The following TECPR2 variants were observed in gnomAD, a reference collection of about 807,000 sequenced individuals.
TECPR2 encodes tectonin beta-propeller repeat-containing protein 2.
A neutral mutation model predicts 138.1 loss-of-function variants in TECPR2; 65 were observed. The observed-to-expected ratio is 0.47, with a 90% CI of 0.39 to 0.58. TECPR2 has a LOEUF of 0.58. Among genes scored for constraint, TECPR2 ranks in the 20% least tolerant of loss-of-function variants. The probability of loss-of-function intolerance (pLI) is 0.00; values close to 1 mark genes in which losing one functional copy is unlikely to be tolerated. For synonymous variants in TECPR2, 746 were observed against 749.8 expected, an observed-to-expected ratio of 0.99 and a Z score of 0.08; for missense variants, 1,553 against 1,824.5, an observed-to-expected ratio of 0.85 and a Z score of 2.71.
chr14:102,497,265 G>A lies in TECPR2; in HGVS notation c.3931+145G>A, dbSNP rs1483265675. ...GTCGCCGCTGCTTCCTGGGCCAGGG[G>A]ACAAGCCTCCCATCATGTTCCTTAT... is the stretch of plus-strand genomic sequence containing the variant. On this transcript the variant is annotated intron_variant, in intron 18 of 19. Coordinates refer to ENST00000359520, the MANE Select transcript of TECPR2 (RefSeq NM_014844.5). The A allele has an allele frequency of 9.6e-6, 13 of 1,360,410 alleles. No homozygotes were observed. In the Admixed American group the frequency reaches 3.7e-4, roughly 38 times the overall value. 84.3% of individuals were successfully genotyped at this position (1,360,410 alleles called of 1,614,324 possible). A position where few individuals can be genotyped will look rare whatever the true frequency, so the allele number is the denominator to read the frequency against.
chr14:102,452,338 G>A, intron 15 of TECPR2, 56 bp from the exon 16 acceptor site: 1 of 1,541,952 alleles, frequency 6.5e-7, no homozygotes, highest in Non-Finnish European at 8.8e-7. Flanking sequence ...GTGCATTTAG[G>A]GCAGGCGGCT....
intron 13 of TECPR2, among the ~76,000 whole-genome samples, chr14:102,447,735 A>T (rs1478228046): frequency 1.3e-5 from 2 of 152,020 alleles, no homozygotes; most frequent in African/African-American, 4.8e-5. Flanking sequence ...GGGTTTCACC[A>T]TGTTGGCCAG....
At chr14:102,380,769 C>G (rs1273914721) in intron 2 of TECPR2, among the ~76,000 whole-genome samples, 3 of 152,196 alleles carry the variant, frequency 2.0e-5, no homozygotes, top group Non-Finnish European at 4.4e-5. Flanking sequence ...ACCTCCGCCT[C>G]CCGGGTTCAA....
chr14:102,374,798 T>C (rs968922582), intron 1 of TECPR2, among the ~76,000 whole-genome samples: 1 of 152,040 alleles, frequency 6.6e-6, no homozygotes, highest in Admixed American at 6.6e-5. Flanking sequence ...CCCAAAGCAC[T>C]AGGATTACAG....
intron 7 of TECPR2, among the ~76,000 whole-genome samples, chr14:102,429,811 T>C (rs1461791661): frequency 6.6e-6 from 1 of 152,216 alleles, no homozygotes; most frequent in Non-Finnish European, 1.5e-5. Flanking sequence ...GGCTAAGCTC[T>C]GGACCTCTGC....
rs1022856192 is a variant in TECPR2 at position 102,373,968 on chromosome 14, C to T, written c.-72-2682C>T. ...TGGTGGCACACGCCTGTAGTCCCACCTACTCGGGAGGCTGAGGCAGAAGAA... is the reference window on the plus strand; with the variant it reads ...TGGTGGCACACGCCTGTAGTCCCACTTACTCGGGAGGCTGAGGCAGAAGAA... On this transcript the variant is annotated intron_variant, in intron 1 of 19. Transcript: ENST00000359520. Among the ~76,000 whole-genome samples, 3 of 151,284 alleles carry T rather than the reference C, an allele frequency of 2.0e-5. No homozygotes were observed. In the East Asian group the frequency reaches 5.8e-4, roughly 29 times the overall value.
At chr14:102,496,765 G>A (rs953992667) in intron 17 of TECPR2, 2 of 655,176 alleles carry the variant, frequency 3.1e-6, no homozygotes, top group East Asian at 2.9e-5. Flanking sequence ...CTGCTGGGCT[G>A]TCCCTCAGTC....
chr14:102,457,869 C>CTTTTTTTTTTTTTTTTTTTTTTT (rs748372168), intron 16 of TECPR2, among the ~76,000 whole-genome samples: 3 of 102,744 alleles, frequency 2.9e-5, no homozygotes, highest in African/African-American at 1.2e-4. Context: ...ACTAAATTCC[C>CTTTTTTTTTTTTTTTTTTTTTTT]TTTTTTTTTT....
chr14:102,423,588 T>C (rs567368870), intron 5 of TECPR2, among the ~76,000 whole-genome samples: 1 of 152,242 alleles, frequency 6.6e-6, no homozygotes, highest in Non-Finnish European at 1.5e-5. Flanking sequence ...TGGACAGCCC[T>C]GGGCTAGACT....
rs758711749 is a variant in TECPR2, at chr14:102,414,658, T to C, written c.503T>C (p.Val168Ala). Reference sequence around the variant, plus strand: ...CAGGGGCTCTGTAACTCCCAGCTGGTGTTGGAGGAGCCATCTTCCATTGTG... The same window carrying C: ...CAGGGGCTCTGTAACTCCCAGCTGGCGTTGGAGGAGCCATCTTCCATTGTG... ...LDQGLCNSQL[V>A]LEEPSSIVQL... The change falls in exon 5 of 20, where the codon GTG becomes GCG. Residue 168 changes from valine (V) to alanine (A), a missense_variant. Transcript: ENST00000359520. 2 of 1,614,160 alleles carry C rather than the reference T, an allele frequency of 1.2e-6. No individual in the cohort carries two copies. Among genetic ancestry groups the C allele is most frequent in the East Asian group, 4.5e-5 (2 of 44,892 alleles).
intron 2 of TECPR2, among the ~76,000 whole-genome samples, chr14:102,398,023 A>G (rs1888362051): frequency 6.7e-6 from 1 of 150,286 alleles, no homozygotes; most frequent in Non-Finnish European, 1.5e-5. Flanking sequence ...CACTGAGCCA[A>G]GATCGTGCCA....
At chr14:102,497,476 G>A (rs1330719139) in intron 18 of TECPR2, 94 bp from the exon 19 acceptor site, 4 of 1,393,746 alleles carry the variant, frequency 2.9e-6, no homozygotes, top group Non-Finnish European at 3.8e-6. Flanking sequence ...CAGGGACCCT[G>A]GTGGAGGTGT....
At chr14:102,497,818 T>C (rs759480375) in intron 19 of TECPR2, 99 bp downstream of exon 19, 41 of 1,399,332 alleles carry the variant, frequency 2.9e-5, no homozygotes, top group Admixed American at 5.2e-5. Flanking sequence ...CCCACTGGGC[T>C]CCAATCTCTC....
At chr14:102,488,318 CT>C (rs34478835) in intron 17 of TECPR2, among the ~76,000 whole-genome samples, 67,326 of 139,784 alleles carry the variant, frequency 0.48, 17,703 homozygotes, top group African/African-American at 0.73. Context: ...TGTGCTCGGC[CT>C]TTTTTTTTTT....
At chr14:102,391,540 C>T (rs993793611) in intron 2 of TECPR2, among the ~76,000 whole-genome samples, 1 of 152,216 alleles carries the variant, frequency 6.6e-6, no homozygotes, top group Middle Eastern at 3.4e-3. Flanking sequence ...GATGGGGATT[C>T]CATGGGTGCT....
chr14:102,379,317 A>G (rs1253369370), intron 2 of TECPR2, among the ~76,000 whole-genome samples: 1 of 151,860 alleles, frequency 6.6e-6, no homozygotes, highest in East Asian at 1.9e-4. Context: ...CCATGCACAG[A>G]GGCGTCCTAG....
intron 2 of TECPR2, among the ~76,000 whole-genome samples, chr14:102,398,773 T>G (rs1173430067): frequency 6.6e-6 from 1 of 152,108 alleles, no homozygotes; most frequent in African/African-American, 2.4e-5. Context: ...GAAAATTGCT[T>G]GAGCCTGGAA....
chr14:102,451,930 A>C (rs528412345), intron 15 of TECPR2, among the ~76,000 whole-genome samples: 3 of 152,142 alleles, frequency 2.0e-5, no homozygotes, highest in Non-Finnish European at 4.4e-5. Flanking sequence ...CATCCCCAGA[A>C]GGTCCGGGAG....
At chr14:102,387,805 C>T (rs1888052779) in intron 2 of TECPR2, among the ~76,000 whole-genome samples, 2 of 152,048 alleles carry the variant, frequency 1.3e-5, no homozygotes, top group Non-Finnish European at 2.9e-5. Context: ...GGATTACAGG[C>T]GTGAGCCACC....
Sources: allele counts gnomAD v4.1 joint callset (sites outside exome capture counted in the v4.1 genomes callset), GRCh38; gene constraint gnomAD v4.1.1; transcripts MANE v1.5; gene names NCBI Gene and HGNC (gene_info 2026-07-23, HGNC 2026-07-21).